ZNF510: variants seen among roughly 807,000 people sequenced by gnomAD.
ZNF510 encodes the protein zinc finger protein 510.
In ZNF510, 15 loss-of-function variants were observed where a neutral mutation model predicts 18.1. The ratio of observed to expected loss-of-function variants is 0.83; its 90% confidence interval spans 0.55 to 1.28. The LOEUF is 1.28. Ranked by LOEUF, ZNF510 falls within the 50% of genes most tolerant of loss-of-function variation. The pLI is 0.00. For synonymous variants in ZNF510, 261 were observed against 266.4 expected, an observed-to-expected ratio of 0.98 and a Z score of 0.20; for missense variants, 724 against 791.8, an observed-to-expected ratio of 0.91 and a Z score of 1.03.
Position 96,759,835 on chromosome 9 carries a change from C to A in ZNF510, c.995G>T (p.Gly332Val), listed in dbSNP as rs755121269. 3 of 1,613,436 alleles carry A rather than the reference C, an allele frequency of 1.9e-6. No homozygotes were observed. Among genetic ancestry groups the A allele is most frequent in the East Asian group, 2.2e-5 (1 of 44,876 alleles). ...TVEEYNKLNMGIKHYELNPSG... is the reference protein window; with the variant it reads ...TVEEYNKLNMVIKHYELNPSG... ...TGGATTTAATTCATAATGTTTTATA[C>A]CCATATTAAGTTTATTATATTCCTC... Residue 332 changes from glycine (G) to valine (V), a missense_variant, in exon 6 of 6, where the codon GGT (glycine) becomes GTT (valine). Physicochemically the swap from Gly to Val is moderately radical, Grantham distance 109. Transcript: ENST00000223428.
rs1258012438 is a variant in ZNF510, at chr9:96,760,073, C to T, written c.757G>A (p.Ala253Thr). 3 of 1,611,232 alleles carry T rather than the reference C, an allele frequency of 1.9e-6. No individual in the cohort carries two copies. The highest frequency in any genetic ancestry group is 2.5e-6 in the Non-Finnish European group (3 of 1,179,060). ...KHPKFQTLEQAFECNKIGKAF... is the reference protein window; with the variant it reads ...KHPKFQTLEQTFECNKIGKAF... The stretch of plus-strand genomic sequence containing the variant: ...TTTCCAATTTTATTACATTCAAAAG[C>T]TTGCTCCAAAGTTTGAAACTTTGGA... The change falls in exon 6 of 6, where the codon GCT becomes ACT. Residue 253 changes from alanine (A) to threonine (T), a missense_variant. Transcript: ENST00000223428.
At chr9:96,767,453 AGT>A (rs1200716387) in intron 3 of ZNF510, among the ~76,000 whole-genome samples, 2 of 152,222 alleles carry the variant, frequency 1.3e-5, no homozygotes. Context: ...GGCAGTGCTA[AGT>A]GTGAAATTTA....
intron 1 of ZNF510, 130 bp downstream of exon 1, chr9:96,777,904 G>C (rs1849740339): frequency 6.6e-6 from 1 of 152,332 alleles, no homozygotes; most frequent in East Asian, 1.9e-4. Flanking sequence ...TGAGGTCCCG[G>C]GCCGGCCGAG....
rs567723906 is a variant in ZNF510 at position 96,775,326 on chromosome 9, C to T, written c.71-480G>A. Reference sequence around the variant, plus strand: ...CTGCCCGCCTTGGCCTCCCAAAATGCTGGGATTGCAGGGGTGAGCCACCAG... The same window carrying T: ...CTGCCCGCCTTGGCCTCCCAAAATGTTGGGATTGCAGGGGTGAGCCACCAG... On this transcript the variant is annotated intron_variant, in intron 2 of 5. Coordinates refer to ENST00000223428, the MANE Select transcript of ZNF510 (RefSeq NM_014930.3). Among the ~76,000 whole-genome samples the T allele has an allele frequency of 3.3e-5, 5 of 152,262 alleles. 1 individual carries two copies. Among genetic ancestry groups the T allele is most frequent in the African/African-American group, 1.2e-4 (5 of 41,564 alleles).
chr9:96,775,383 T>C (rs1001380437), intron 2 of ZNF510, among the ~76,000 whole-genome samples: 2 of 152,156 alleles, frequency 1.3e-5, no homozygotes, highest in African/African-American at 2.4e-5. Flanking sequence ...CATCAGGCGA[T>C]TGTAGACTAT....
intron 3 of ZNF510, among the ~76,000 whole-genome samples, chr9:96,771,814 CAAT>C (rs1354514594): frequency 7.2e-5 from 11 of 152,024 alleles, no homozygotes; most frequent in African/African-American, 2.4e-4. Flanking sequence ...AATAAACTAA[CAAT>C]AAACTGGAAA....
At chr9:96,764,639 A>C (rs10115926) in intron 3 of ZNF510, among the ~76,000 whole-genome samples, 10,416 of 152,260 alleles carry the variant, frequency 0.068, 931 homozygotes, top group African/African-American at 0.2. Context: ...ACTAAATAAT[A>C]GTATTAAAGA....
At chr9:96,777,322 G>T (rs1029247259) in intron 1 of ZNF510, among the ~76,000 whole-genome samples, 1 of 152,198 alleles carries the variant, frequency 6.6e-6, no homozygotes, top group South Asian at 2.1e-4. Flanking sequence ...GGGTTAGGTA[G>T]GTAGGCCATT....
chr9:96,776,890 T>C (rs1849715190), intron 1 of ZNF510, among the ~76,000 whole-genome samples: 1 of 152,196 alleles, frequency 6.6e-6, no homozygotes, highest in East Asian at 1.9e-4. Context: ...TCTCTTGGCA[T>C]TAATTAGAAC....
chr9:96,771,926 C>A (rs1849592438), intron 3 of ZNF510, among the ~76,000 whole-genome samples: 1 of 152,136 alleles, frequency 6.6e-6, no homozygotes, highest in African/African-American at 2.4e-5. Flanking sequence ...CACCTCTACT[C>A]TGAAAAACTT....
At chr9:96,772,557 CAG>C (rs1263578829) in intron 3 of ZNF510, among the ~76,000 whole-genome samples, 1 of 151,844 alleles carries the variant, frequency 6.6e-6, no homozygotes, top group Non-Finnish European at 1.5e-5. Context: ...CCAATTAAAA[CAG>C]AGTTGAATAG....
At chr9:96,767,049 T>C (rs10156391) in intron 3 of ZNF510, among the ~76,000 whole-genome samples, 9,043 of 152,188 alleles carry the variant, frequency 0.059, 885 homozygotes, top group African/African-American at 0.2. Flanking sequence ...GAAATGAGGC[T>C]GGGCATGGTG....
chr9:96,770,021 A>C (rs1849553555), intron 3 of ZNF510, among the ~76,000 whole-genome samples: 1 of 152,230 alleles, frequency 6.6e-6, no homozygotes, highest in East Asian at 1.9e-4. Flanking sequence ...TTACCAAAAA[A>C]GATAAGTCAA....
chr9:96,765,537 A>G (rs1405963320), intron 3 of ZNF510, among the ~76,000 whole-genome samples: 2 of 150,580 alleles, frequency 1.3e-5, no homozygotes, highest in African/African-American at 2.4e-5. Flanking sequence ...TTTTTGAGAC[A>G]GAGTCTTGCT....
rs1421960696 is a variant in ZNF510, at chr9:96,759,213, A to T, written c.1617T>A (p.Thr539=). 5.0e-6 allele frequency: 8 copies of T among 1,613,526 alleles called. No individual in the cohort carries two copies. In the Admixed American group the frequency reaches 1.3e-4, roughly 27 times the overall value. Residue 539 remains threonine (T), a synonymous_variant, in exon 6 of 6, where the codon ACT becomes ACA. Coordinates refer to ENST00000223428, the MANE Select transcript of ZNF510 (RefSeq NM_014930.3). ...SNLRIHQRTH[T]GEKTYQCNEC... is the part of the protein sequence containing the mutation. ...CATTACACTGGTAAGTTTTCTCCCC[A>T]GTGTGAGTTCTCTGATGTATTCTGA...
chr9:96,762,308 G>A (rs1849367125), intron 5 of ZNF510, among the ~76,000 whole-genome samples: 1 of 150,510 alleles, frequency 6.6e-6, no homozygotes, highest in Admixed American at 6.6e-5. Context: ...AGGAGATCAA[G>A]ACCATCCTGG....
At chr9:96,768,725 T>A in intron 3 of ZNF510, among the ~76,000 whole-genome samples, 2 of 152,282 alleles carry the variant, frequency 1.3e-5, no homozygotes, top group East Asian at 3.9e-4. Context: ...CTTGTGTTCA[T>A]GAATTGGAAG....
chr9:96,761,109 C>T (rs936459007), intron 5 of ZNF510, among the ~76,000 whole-genome samples: 2 of 152,048 alleles, frequency 1.3e-5, no homozygotes, highest in African/African-American at 4.8e-5. Context: ...CATAGAAATA[C>T]AAGCAAGTAT....
rs1295980038 is a variant in ZNF510 at position 96,774,826 on chromosome 9, T to C, written c.91A>G (p.Thr31Ala). 7 of 1,613,948 alleles carry C rather than the reference T, an allele frequency of 4.3e-6. No individual in the cohort carries two copies. In the Admixed American group the frequency reaches 1.2e-4, roughly 27 times the overall value. ...AEGGYPLRFSTLFQEQQKMNI... is the reference protein window; with the variant it reads ...AEGGYPLRFSALFQEQQKMNI... ...ATTTTCTGCTGCTCCTGAAAGAGTG[T>C]GGAGAACCGTAAAGGATAACCTGGG... Residue 31 changes from threonine to alanine, a missense_variant, in exon 3 of 6, where the codon ACA (threonine) becomes GCA (alanine). By Grantham distance (58) the Thr-to-Ala change is moderately conservative. Transcript: ENST00000223428.
Sources: gnomAD v4.1 joint callset for allele counts (sites outside exome capture counted in the v4.1 genomes callset) on GRCh38, gnomAD v4.1.1 for gene constraint, MANE v1.5 for transcripts, NCBI Gene and HGNC (gene_info 2026-07-23, HGNC 2026-07-21) for gene names.